The following NKAP variants were observed in gnomAD, a reference collection of about 807,000 sequenced individuals.
NKAP encodes the protein NF-kappa-B-activating protein.
A neutral mutation model predicts 35.6 loss-of-function variants in NKAP; 4 were observed. The ratio of observed to expected loss-of-function variants is 0.11; its 90% CI spans 0.06 to 0.26. The LOEUF (loss-of-function observed/expected upper bound fraction) is 0.26. NKAP is among the 10% of genes least tolerant of loss of function. The pLI is 1.00. For synonymous variants in NKAP, 106 were observed against 119.2 expected, an observed-to-expected ratio of 0.89 and a Z score of 0.72; for missense variants, 238 against 321.9, an observed-to-expected ratio of 0.74 and a Z score of 1.99.
chrX:119,924,691 TTTTA>T lies in NKAP; in HGVS notation c.*525_*528del, dbSNP rs2056701962. 1.5e-5 allele frequency: 1 copy of T among 67,750 alleles called. No homozygotes were observed. The highest frequency in any genetic ancestry group is 2.8e-5 in the Non-Finnish European group (1 of 35,504). 5.6% of individuals were successfully genotyped at this position (67,750 alleles called of 1,213,427 possible). ...CAGGCGTGAGCCACCGTGCCTGGCC[TTTTA>T]TTTTTTTCTGAGACACAGTCTTGCT... On this transcript the variant is annotated 3_prime_UTR_variant, in exon 9 of 9. Transcript: ENST00000371410.
Position 119,936,616 on chromosome X carries a change from T to G in NKAP, c.534A>C (p.Ser178=). ...PKKSTTSAST[S]EEEKKKKSSR... ...ATACCCTTTTTTTAAAAATACCTTCTGAAGTAGAAGCTGAAGTAGTGCTTT... is the reference window on the plus strand; with the variant it reads ...ATACCCTTTTTTTAAAAATACCTTCGGAAGTAGAAGCTGAAGTAGTGCTTT... Residue 178 remains serine (S), a synonymous_variant, in exon 3 of 9, where the codon TCA becomes TCC. Transcript: ENST00000371410. 2.6e-6 allele frequency: 3 copies of G among 1,157,369 alleles called. No homozygotes were observed. Among genetic ancestry groups the G allele is most frequent in the Non-Finnish European group, 3.5e-6 (3 of 865,739 alleles).
At chrX:119,930,354 G>A (rs886855624) in intron 7 of NKAP, among the ~76,000 whole-genome samples, 189 bp from the exon 8 acceptor site, 2 of 112,388 alleles carry the variant, frequency 1.8e-5, no homozygotes, top group African/African-American at 6.5e-5. Context: ...ATTAAACATT[G>A]CATTGCACTA....
rs200925009 is a variant in NKAP at position 119,943,275 on chromosome X, C to G, written c.331G>C (p.Asp111His). 49 of 1,208,424 alleles carry G rather than the reference C, an allele frequency of 4.1e-5. No individual in the cohort carries two copies. Among genetic ancestry groups the G allele is most frequent in the Admixed American group, 8.7e-5 (4 of 45,756 alleles). ...TCGAGGAGGCTAGGCCAAGGCTTGTCGCTCCCGTAGGGGCGCGAGTAGCTG... is the reference window on the plus strand; with the variant it reads ...TCGAGGAGGCTAGGCCAAGGCTTGTGGCTCCCGTAGGGGCGCGAGTAGCTG... ...YGSYSRPYGS[D>H]KPWPSLLDKE... Residue 111 changes from aspartate to histidine, a missense_variant, in exon 1 of 9, where the codon GAC becomes CAC. By Grantham distance (81) the Asp-to-His change is moderately conservative (BLOSUM62 -1). Coordinates refer to ENST00000371410, the MANE Select transcript of NKAP (RefSeq NM_024528.4).
chrX:119,931,206 CA>C (rs976174346), intron 7 of NKAP, among the ~76,000 whole-genome samples: 1 of 104,332 alleles, frequency 9.6e-6, no homozygotes, highest in African/African-American at 3.5e-5. Context: ...ACAAAACAAA[CA>C]AAAAAAAAAT....
At position 119,930,674 on chromosome X, in the gene NKAP, C is replaced by T. The variant is rs1427122435; in HGVS notation, c.924-509G>A. ...TCTCTACTAAAAATACAAAATTAGCCGGGCATGGTGGTGCATGCTTGTAGT... is the reference window on the plus strand; with the variant it reads ...TCTCTACTAAAAATACAAAATTAGCTGGGCATGGTGGTGCATGCTTGTAGT... On this transcript the variant is annotated intron_variant, in intron 7 of 8. Coordinates refer to ENST00000371410, the MANE Select transcript of NKAP (RefSeq NM_024528.4). Among the ~76,000 whole-genome samples, 3 of 109,758 alleles carry T rather than the reference C, an allele frequency of 2.7e-5. No homozygotes were observed. In the East Asian group the frequency reaches 8.7e-4, roughly 32 times the overall value.
chrX:119,921,206 C>T lies in NKAP; in HGVS notation c.*4014G>A, dbSNP rs1284627226. 9.0e-6 allele frequency: 1 copy of T among 111,374 alleles called. No individual in the cohort carries two copies. Among genetic ancestry groups the T allele is most frequent in the African/African-American group, 3.3e-5 (1 of 30,731 alleles). 9.2% of individuals were successfully genotyped at this position (111,374 alleles called of 1,213,427 possible). On this transcript the variant is annotated 3_prime_UTR_variant, in exon 9 of 9. Transcript: ENST00000371410. ...GGCAATGACACGGGAAGGATACAATCATTGCCCTTACTTATCTTTGATCTT... is the reference window on the plus strand; with the variant it reads ...GGCAATGACACGGGAAGGATACAATTATTGCCCTTACTTATCTTTGATCTT...
chrX:119,927,181 T>C (rs1016186469), intron 8 of NKAP, among the ~76,000 whole-genome samples: 2 of 106,214 alleles, frequency 1.9e-5, no homozygotes, highest in Admixed American at 1.0e-4. Context: ...AGTGGCATAA[T>C]CTCGGCTTAT....
Position 119,930,421 on chromosome X carries a change from T to G in NKAP, c.924-256A>C, listed in dbSNP as rs192874044. Among the ~76,000 whole-genome samples the G allele has an allele frequency of 9.8e-5, 11 of 112,447 alleles. 1 individual carries two copies. The highest frequency in any genetic ancestry group is 3.5e-4 in the African/African-American group (11 of 31,026). On this transcript the variant is annotated intron_variant, in intron 7 of 8. Transcript: ENST00000371410. Reference sequence around the variant, plus strand: ...ATATTTTGAAAGAAAAGAACTGCTGTGAGTATAGATTCACAGTTTACAATT... The same window carrying G: ...ATATTTTGAAAGAAAAGAACTGCTGGGAGTATAGATTCACAGTTTACAATT...
chrX:119,934,893 A>G (rs1439227970), intron 4 of NKAP, among the ~76,000 whole-genome samples: 1 of 111,793 alleles, frequency 8.9e-6, no homozygotes, highest in East Asian at 2.8e-4. Context: ...TGACTATCTC[A>G]GTGAAAAACC....
At position 119,930,230 on chromosome X, in the gene NKAP, C is replaced by T. The variant is rs935891561; in HGVS notation, c.924-65G>A. The T allele has an allele frequency of 2.9e-5, 30 of 1,039,831 alleles. 1 individual carries two copies. In the Admixed American group the frequency reaches 6.1e-4, roughly 21 times the overall value. 85.7% of individuals were successfully genotyped at this position (1,039,831 alleles called of 1,213,427 possible). On this transcript the variant is annotated intron_variant, in intron 7 of 8. Coordinates refer to ENST00000371410, the MANE Select transcript of NKAP (RefSeq NM_024528.4). ...CATCTTAATATTAAAAGCTTATAATCTAAAGAGAGCACCAAAAATCCCCAC... is the reference window on the plus strand; with the variant it reads ...CATCTTAATATTAAAAGCTTATAATTTAAAGAGAGCACCAAAAATCCCCAC...
At position 119,929,062 on chromosome X, in the gene NKAP, A is replaced by G. The variant is rs968503380; in HGVS notation, c.1073+954T>C. On this transcript the variant is annotated intron_variant, in intron 8 of 8. Coordinates refer to ENST00000371410, the MANE Select transcript of NKAP (RefSeq NM_024528.4). ...CAGGTGTGTACCACCACGTCTGGCTAATTTTTGTGTTTTTAGTAGAGAAGG... is the reference window on the plus strand; with the variant it reads ...CAGGTGTGTACCACCACGTCTGGCTGATTTTTGTGTTTTTAGTAGAGAAGG... Among the ~76,000 whole-genome samples the G allele has an allele frequency of 2.5e-4, 27 of 109,830 alleles. No individual in the cohort carries two copies. In the Admixed American group the frequency reaches 2.5e-3, roughly 10 times the overall value.
chrX:119,924,440 G>A lies in NKAP; in HGVS notation c.*780C>T, dbSNP rs1282493772. On this transcript the variant is annotated 3_prime_UTR_variant, in exon 9 of 9. Coordinates refer to ENST00000371410, the MANE Select transcript of NKAP (RefSeq NM_024528.4). The stretch of plus-strand genomic sequence containing the variant: ...AGTTTCACTCTTCTTGCCCAGGCTG[G>A]AGTGCAATGTCACAATCTCGGCTCA... The A allele has an allele frequency of 9.0e-6, 1 of 110,582 alleles. No homozygotes were observed. Among genetic ancestry groups the A allele is most frequent in the Non-Finnish European group, 1.9e-5 (1 of 52,832 alleles). 9.1% of individuals were successfully genotyped at this position (110,582 alleles called of 1,213,427 possible).
rs759849835 is a variant in NKAP at position 119,936,565 on chromosome X, T to C, written c.538+47A>G. On this transcript the variant is annotated intron_variant, in intron 3 of 8. Coordinates refer to ENST00000371410, the MANE Select transcript of NKAP (RefSeq NM_024528.4). ...TTACAAACTGATTTTTTTAAATCTC[T>C]CAATAAAATAGCTTGTATTTTAAAA... The C allele has an allele frequency of 1.7e-5, 18 of 1,048,175 alleles. 1 individual carries two copies. In the East Asian group the frequency reaches 5.4e-4, roughly 31 times the overall value. 86.4% of individuals were successfully genotyped at this position (1,048,175 alleles called of 1,213,427 possible).
chrX:119,927,533 T>TG (rs1252034385), intron 8 of NKAP, among the ~76,000 whole-genome samples: 2 of 110,772 alleles, frequency 1.8e-5, no homozygotes, highest in Non-Finnish European at 3.8e-5. Context: ...TTGGTAGAGA[T>TG]GGGGTTTCAC....
chrX:119,927,611 C>T (rs1331528455), intron 8 of NKAP, among the ~76,000 whole-genome samples: 2 of 112,348 alleles, frequency 1.8e-5, no homozygotes, highest in Non-Finnish European at 3.8e-5. Flanking sequence ...TCCCAAAGTG[C>T]TGGGATTACA....
chrX:119,936,285 T>C lies in NKAP; in HGVS notation c.673+12A>G, dbSNP rs190666857. On this transcript the variant is annotated intron_variant, in intron 4 of 8. Coordinates refer to ENST00000371410, the MANE Select transcript of NKAP (RefSeq NM_024528.4). ...TGAAGCAAGGCTTGCAGAATGCTGT[T>C]GGCGTTCTTACCACTGGAGTCTGTT... is the stretch of plus-strand genomic sequence containing the variant. The C allele has an allele frequency of 3.4e-4, 407 of 1,201,392 alleles. 2 individuals are homozygous for C. The highest frequency in any genetic ancestry group is 1.7e-3 in the Middle Eastern group (6 of 3,479).
rs2056688428 is a variant in NKAP, at chrX:119,921,605, T to A, written c.*3615A>T. 1 of 108,304 alleles carries A rather than the reference T, an allele frequency of 9.2e-6. No individual in the cohort carries two copies. Among genetic ancestry groups the A allele is most frequent in the Admixed American group, 1.0e-4 (1 of 9,621 alleles). The allele number at this position is 108,304 out of a possible 1,213,427, so 8.9% of individuals were successfully genotyped here. The stretch of plus-strand genomic sequence containing the variant: ...ACAACTGATTTATGGCTCAGGTGAC[T>A]AAACACAATTTGAAGCAGTAACAAC... On this transcript the variant is annotated 3_prime_UTR_variant, in exon 9 of 9. Coordinates refer to ENST00000371410, the MANE Select transcript of NKAP (RefSeq NM_024528.4).
chrX:119,927,061 CA>C lies in NKAP; in HGVS notation c.1074-1668del, dbSNP rs757523569. ...GGGAGACAAGAGTGAAACTAGGTCT[CA>C]AAAAAAAAAAAAAAAAAAAAAGAAC... is the stretch of plus-strand genomic sequence containing the variant. On this transcript the variant is annotated intron_variant, in intron 8 of 8. Transcript: ENST00000371410. 7.7e-3 allele frequency among the ~76,000 whole-genome samples: 257 copies of C among 33,288 alleles called. 1 individual carries two copies. The highest frequency in any genetic ancestry group is 0.025 in the African/African-American group (214 of 8,437). The allele number at this position is 33,288 out of a possible 115,157, so 28.9% of individuals were successfully genotyped here. A position where few individuals can be genotyped will look rare whatever the true frequency, so the allele number is the denominator to read the frequency against.
At chrX:119,927,199 TC>T (rs1407305718) in intron 8 of NKAP, among the ~76,000 whole-genome samples, 1 of 106,705 alleles carries the variant, frequency 9.4e-6, no homozygotes, top group Non-Finnish European at 1.9e-5. Context: ...TATTGCAACC[TC>T]CGCCTCCCAG....
Sources: allele counts gnomAD v4.1 joint callset (sites outside exome capture counted in the v4.1 genomes callset), GRCh38; gene constraint gnomAD v4.1.1; transcripts MANE v1.5; gene names NCBI Gene and HGNC (gene_info 2026-07-23, HGNC 2026-07-21).